PFKM: variants seen among roughly 807,000 people sequenced by gnomAD.
PFKM encodes phosphofructokinase, muscle, also known as ATP-dependent 6-phosphofructokinase, muscle type.
In PFKM, 58 loss-of-function variants were observed where a neutral mutation model predicts 95.5. That is an observed-to-expected ratio of 0.61 (90% CI 0.49 to 0.76). The LOEUF (loss-of-function observed/expected upper bound fraction) is 0.76. PFKM is among the 30% of genes least tolerant of loss of function. The probability of loss-of-function intolerance (pLI) is 0.00; values close to 1 mark genes in which losing one functional copy is unlikely to be tolerated. For synonymous variants in PFKM, 336 were observed against 357.2 expected (o/e 0.94, Z 0.67); for missense variants, 678 against 1,005.4 (o/e 0.67, Z 4.40).
intron 14 of PFKM, 127 bp from the exon 15 acceptor site, chr12:48,141,184 A>G (rs1950549502): frequency 4.6e-6 from 4 of 879,112 alleles, no homozygotes; most frequent in Non-Finnish European, 7.7e-6. Context: ...AAAAGCTAAT[A>G]CCTGGTGTAC....
In PFKM at chr12:48,146,211, G is replaced by C. The variant is rs747797192; in HGVS notation, c.*503G>C. On this transcript the variant is annotated 3_prime_UTR_variant, in exon 23 of 23. Coordinates refer to ENST00000359794, the MANE Select transcript of PFKM (RefSeq NM_000289.6). The stretch of plus-strand genomic sequence containing the variant: ...AGTAAAGACGTTAAGGGTATCACAG[G>C]GGGTGGAGGAAGGGATTATCTCTAG... 21 of 179,574 alleles carry C rather than the reference G, an allele frequency of 1.2e-4. No individual in the cohort carries two copies. The highest frequency in any genetic ancestry group is 3.2e-4 in the Admixed American group (6 of 18,554). The allele number at this position is 179,574 out of a possible 1,614,324, so 11.1% of individuals were successfully genotyped here.
intron 1 of PFKM, among the ~76,000 whole-genome samples, chr12:48,121,585 A>C (rs1355144977): frequency 3.3e-5 from 5 of 152,198 alleles, no homozygotes. Context: ...GGGTAGAAGC[A>C]AGCACAAGCT....
At chr12:48,121,697 G>A (rs1457656037) in intron 1 of PFKM, among the ~76,000 whole-genome samples, 2 of 152,176 alleles carry the variant, frequency 1.3e-5, no homozygotes, top group Non-Finnish European at 2.9e-5. Context: ...CTAATAGAGT[G>A]AAGAAAGGAA....
At chr12:48,114,816 G>T (rs547933398), upstream of PFKM, among the ~76,000 whole-genome samples, 3 of 152,226 alleles carry the variant, frequency 2.0e-5, no homozygotes, top group Middle Eastern at 3.4e-3. Context: ...CAAAAGTGCC[G>T]TTTTCTGGCC....
At chr12:48,139,098 A>G (rs1218150939) in intron 11 of PFKM, among the ~76,000 whole-genome samples, 187 bp from the exon 12 acceptor site, 1 of 152,212 alleles carries the variant, frequency 6.6e-6, no homozygotes, top group Non-Finnish European at 1.5e-5. Context: ...GCTGCTCATT[A>G]CTTAGACAAC....
chr12:48,136,841 C>T (rs963694164), intron 10 of PFKM, among the ~76,000 whole-genome samples: 2 of 151,058 alleles, frequency 1.3e-5, no homozygotes, highest in Non-Finnish European at 3.0e-5. Flanking sequence ...GCAACCTCTG[C>T]CCCCTGGGTT....
chr12:48,142,514 T>G, intron 17 of PFKM: 1 of 506,480 alleles, frequency 2.0e-6, no homozygotes, highest in Non-Finnish European at 3.5e-6. Context: ...AATGTTTTGT[T>G]TGTTTTTTTT....
At chr12:48,105,991 A>G in exon 1 of PFKM, 1 of 700,458 alleles carries the variant, frequency 1.4e-6, no homozygotes, top group East Asian at 2.7e-5. Flanking sequence ...GGCTCCCTCC[A>G]TCCTCACCCC....
In PFKM at chr12:48,142,047, C is replaced by T; in HGVS notation, c.1634C>T (p.Ala545Val). The change falls in exon 17 of 23, where the codon GCA becomes GTA. Residue 545 changes from alanine (A) to valine (V), a missense_variant. Physicochemically the swap from Ala to Val is moderately conservative, Grantham distance 64. Transcript: ENST00000359794. ...GACTTCAGCGTTGGGGCTGACACAG[C>T]ACTCAATACTATCTGCACAGTGAGA... Reference protein sequence around the residue: ...GSDFSVGADTALNTICTTCDR... With the variant: ...GSDFSVGADTVLNTICTTCDR... 6.2e-7 allele frequency: 1 copy of T among 1,614,150 alleles called. No individual in the cohort carries two copies. The highest frequency in any genetic ancestry group is 8.5e-7 in the Non-Finnish European group (1 of 1,179,968).
Position 48,133,052 on chromosome 12 carries a change from A to G in PFKM, c.422A>G (p.Lys141Arg). The G allele has an allele frequency of 3.1e-6, 5 of 1,614,046 alleles. No homozygotes were observed. The highest frequency in any genetic ancestry group is 1.1e-5 in the South Asian group (1 of 91,082). ...EWSDLLSDLQKAGKITDEEAT... is the reference protein window; with the variant it reads ...EWSDLLSDLQRAGKITDEEAT... ...AGTGACTTGTTGAGTGACCTCCAGA[A>G]AGCAGGTAAGAGAGTTTTCACATCA... Residue 141 changes from lysine (K) to arginine (R), a missense_variant, in exon 5 of 23, where the codon AAA becomes AGA. Physicochemically the swap from Lys to Arg is conservative, Grantham distance 26 (BLOSUM62 2). Coordinates refer to ENST00000359794, the MANE Select transcript of PFKM (RefSeq NM_000289.6).
chr12:48,122,746 G>C, intron 1 of PFKM, 21 bp from the exon 2 acceptor site: 1 of 1,613,682 alleles, frequency 6.2e-7, no homozygotes, highest in South Asian at 1.1e-5. Context: ...TGTCTTAACT[G>C]ACCATTGTCT....
intron 3 of PFKM, among the ~76,000 whole-genome samples, chr12:48,110,342 G>A (rs981712908): frequency 6.6e-6 from 1 of 152,156 alleles, no homozygotes; most frequent in Non-Finnish European, 1.5e-5. Context: ...ACACTTTTGA[G>A]CTCTGGGAAA....
In PFKM at chr12:48,145,428, T is replaced by C; in HGVS notation, c.2198+113T>C. The stretch of plus-strand genomic sequence containing the variant: ...TTTTTTTTTTAAGGAGTAACACCTG[T>C]ATTCTTACCCATTTCAGATGTGATG... On this transcript the variant is annotated intron_variant, in intron 22 of 22. Coordinates refer to ENST00000359794, the MANE Select transcript of PFKM (RefSeq NM_000289.6). The surrounding 1 kb of genome is among the most constrained non-coding windows in gnomAD (Gnocchi z 4.3). 8.0e-7 allele frequency: 1 copy of C among 1,256,006 alleles called. No homozygotes were observed. Among genetic ancestry groups the C allele is most frequent in the Non-Finnish European group, 1.2e-6 (1 of 867,322 alleles). 77.8% of individuals were successfully genotyped at this position (1,256,006 alleles called of 1,614,324 possible).
In PFKM at chr12:48,113,212, G is replaced by T. The variant is rs1011611294; in HGVS notation, c.205+5018G>T. Among the ~76,000 whole-genome samples, 3 of 152,284 alleles carry T rather than the reference G, an allele frequency of 2.0e-5. No homozygotes were observed. In the East Asian group the frequency reaches 5.8e-4, roughly 29 times the overall value. On this transcript the variant is annotated intron_variant, in intron 3 of 24. Transcript: ENST00000340802. ...GAGTTTTAAGGGGTCTAGAAGCCTG[G>T]CTGTCAATACCCACAACAGTTATGG... is the stretch of plus-strand genomic sequence containing the variant.
At chr12:48,131,760 G>C (rs759406785) in intron 4 of PFKM, 1 of 368,252 alleles carries the variant, frequency 2.7e-6, no homozygotes, top group Non-Finnish European at 5.3e-6. Flanking sequence ...AAATCTGCCA[G>C]TCCTCATGTG....
intron 3 of PFKM, among the ~76,000 whole-genome samples, chr12:48,112,362 G>A (rs1246554115): frequency 2.6e-5 from 4 of 152,166 alleles, no homozygotes; most frequent in African/African-American, 9.7e-5. Flanking sequence ...AAGGGATTGG[G>A]GTTTAGGAGA....
Position 48,145,778 on chromosome 12 carries a change from C to A in PFKM, c.*70C>A. 6.6e-7 allele frequency: 1 copy of A among 1,516,414 alleles called. No homozygotes were observed. The allele number at this position is 1,516,414 out of a possible 1,614,324, so 93.9% of individuals were successfully genotyped here. A position where few individuals can be genotyped will look rare whatever the true frequency, so the allele number is the denominator to read the frequency against. On this transcript the variant is annotated 3_prime_UTR_variant, in exon 23 of 23. Coordinates refer to ENST00000359794, the MANE Select transcript of PFKM (RefSeq NM_000289.6). The surrounding 1 kb of genome is among the most constrained non-coding windows in gnomAD (Gnocchi z 4.3). ...TCACACCCTAATAAGTCCACATCTT[C>A]TCAGTGTTTTAGCTGTTTTTTTCAT... is the stretch of plus-strand genomic sequence containing the variant.
chr12:48,120,049 GAA>G (rs1357818199), intron 1 of PFKM: 1 of 152,012 alleles, frequency 6.6e-6, no homozygotes, highest in South Asian at 2.1e-4. Flanking sequence ...TGAATGAGAA[GAA>G]AAAACGGGAG....
intron 3 of PFKM, 127 bp from the exon 4 acceptor site, chr12:48,131,189 C>T: frequency 1.4e-6 from 1 of 738,208 alleles, no homozygotes; most frequent in East Asian, 2.6e-5. Context: ...GTCTCACGAG[C>T]ATCCAGGACT....
Sources: gnomAD v4.1 joint callset for allele counts (sites outside exome capture counted in the v4.1 genomes callset) on GRCh38, gnomAD v4.1.1 for gene constraint, Gnocchi (gnomAD v3.1) non-coding constraint, MANE v1.5 for transcripts, NCBI Gene and HGNC (gene_info 2026-07-23, HGNC 2026-07-21) for gene names.